The following TDRD12 variants were observed in gnomAD, a reference collection of about 807,000 sequenced individuals.
TDRD12 encodes putative ATP-dependent RNA helicase TDRD12.
TDRD12 carries 158 observed loss-of-function variants against 133.5 expected under a neutral mutation model. The observed-to-expected ratio is 1.18, with a 90% CI of 1.04 to 1.35. The LOEUF is 1.35. Ranked by LOEUF, TDRD12 falls within the 40% of genes most tolerant of loss-of-function variation. TDRD12 has a pLI of 0.00. For missense variants in TDRD12, 1,443 were observed against 1,321.3 expected (o/e 1.09, Z -1.43); for synonymous variants, 460 against 477.9 (o/e 0.96, Z 0.49).
rs80245935 is a variant in TDRD12, at chr19:32,772,715, T to C, written c.866-38T>C. 9.7e-4 allele frequency: 1,214 copies of C among 1,255,914 alleles called. 7 individuals are homozygous for C. The African/African-American group carries it at 0.015, about 16-fold the overall frequency. The allele number at this position is 1,255,914 out of a possible 1,614,324, so 77.8% of individuals were successfully genotyped here. Reference sequence around the variant, plus strand: ...ATCCTATTTTCTATTAATATCACTTTTTGGTGTAGCTTTTTTATTACCATT... The same window carrying C: ...ATCCTATTTTCTATTAATATCACTTCTTGGTGTAGCTTTTTTATTACCATT... On this transcript the variant is annotated intron_variant, in intron 8 of 27. Coordinates refer to ENST00000444215, the Ensembl canonical transcript of TDRD12.
chr19:32,729,310 C>T (rs1365907361), intron 1 of TDRD12, among the ~76,000 whole-genome samples: 7 of 149,618 alleles, frequency 4.7e-5, no homozygotes, highest in African/African-American at 1.7e-4. Context: ...CTCCACCACC[C>T]GGTTTCACAC....
At chr19:32,766,851 G>A (rs1170360764) in intron 8 of TDRD12, among the ~76,000 whole-genome samples, 1 of 151,988 alleles carries the variant, frequency 6.6e-6, no homozygotes, top group Non-Finnish European at 1.5e-5. Context: ...CTGACCTTAA[G>A]TGATCCGCTG....
chr19:32,798,850 C>T (rs1971304834), intron 16 of TDRD12, among the ~76,000 whole-genome samples: 1 of 152,170 alleles, frequency 6.6e-6, no homozygotes, highest in Non-Finnish European at 1.5e-5. Context: ...TAGTTAATAA[C>T]ATCAGGGGTG....
At chr19:32,823,831 T>C (rs141453437), downstream of TDRD12, among the ~76,000 whole-genome samples, 806 of 152,300 alleles carry the variant, frequency 5.3e-3, 8 homozygotes, top group African/African-American at 0.018. Flanking sequence ...CGGGATCCAG[T>C]AGACTGCAGA....
At chr19:32,735,343 G>T (rs1969192845) in intron 2 of TDRD12, among the ~76,000 whole-genome samples, 1 of 152,162 alleles carries the variant, frequency 6.6e-6, no homozygotes, top group African/African-American at 2.4e-5. Context: ...CAGGATAGAG[G>T]CTTAGAACCA....
At chr19:32,743,740 G>T (rs1401424741) in intron 4 of TDRD12, among the ~76,000 whole-genome samples, 1 of 152,080 alleles carries the variant, frequency 6.6e-6, no homozygotes, top group Non-Finnish European at 1.5e-5. Context: ...TTAAGAATAT[G>T]TGTTGAGGCC....
intron 4 of TDRD12, among the ~76,000 whole-genome samples, chr19:32,744,000 C>G (rs187875022): frequency 1.3e-5 from 2 of 150,186 alleles, no homozygotes; most frequent in Non-Finnish European, 3.0e-5. Flanking sequence ...TGCACTCCAG[C>G]CTGGGCAACA....
At position 32,794,771 on chromosome 19, in the gene TDRD12, GCAAA is replaced by G; in HGVS notation, c.1434_1437del (p.Thr479GlufsTer47). On this transcript the variant is annotated frameshift_variant, in exon 14 of 28. Transcript: ENST00000444215. LOFTEE classifies it high-confidence loss of function. ...ACCTCCTACCAGTGTTGACAGTTTT[GCAAA>G]CAGGAGCCTGCTACAAGTCATTACC... 1.4e-6 allele frequency: 1 copy of G among 703,436 alleles called. No individual in the cohort carries two copies. Among genetic ancestry groups the G allele is most frequent in the South Asian group, 1.5e-5 (1 of 67,596 alleles). The allele number at this position is 703,436 out of a possible 1,614,324, so 43.6% of individuals were successfully genotyped here. A position where few individuals can be genotyped will look rare whatever the true frequency, so the allele number is the denominator to read the frequency against.
intron 11 of TDRD12, among the ~76,000 whole-genome samples, chr19:32,786,835 TC>T (rs1970921601): frequency 6.6e-6 from 1 of 152,228 alleles, no homozygotes; most frequent in South Asian, 2.1e-4. Flanking sequence ...TGACCTTTTT[TC>T]AAGGTTTTTA....
chr19:32,808,104 C>A (rs1402812630), intron 22 of TDRD12, among the ~76,000 whole-genome samples: 1 of 152,124 alleles, frequency 6.6e-6, no homozygotes, highest in Middle Eastern at 3.2e-3. Context: ...TTACATGAAT[C>A]TTTTCAAGAC....
At chr19:32,755,931 T>C in intron 6 of TDRD12, 61 bp from the exon 7 acceptor site, 1 of 1,234,250 alleles carries the variant, frequency 8.1e-7, no homozygotes. Flanking sequence ...TTGGAATATT[T>C]CCTTTAAAAT....
Position 32,768,048 on chromosome 19 carries a change from C to T in TDRD12, c.866-4705C>T, listed in dbSNP as rs553426793. ...ACAAATAAAGTTTTACTGAACATAG[C>T]TGGACTCATTTTCTTACATATTGTA... is the stretch of plus-strand genomic sequence containing the variant. On this transcript the variant is annotated intron_variant, in intron 8 of 27. Coordinates refer to ENST00000444215, the Ensembl canonical transcript of TDRD12. 9.2e-5 allele frequency among the ~76,000 whole-genome samples: 14 copies of T among 152,290 alleles called. No individual in the cohort carries two copies. In the South Asian group the frequency reaches 1.9e-3, roughly 20 times the overall value.
At chr19:32,815,556 C>G in exon 26 of TDRD12, 1 of 1,536,176 alleles carries the variant, frequency 6.5e-7, no homozygotes, top group Non-Finnish European at 8.7e-7. Context: ...ACACATAGAA[C>G]AACTGAAAAA....
chr19:32,738,357 C>CTGTT (rs1969289493), intron 2 of TDRD12, among the ~76,000 whole-genome samples: 1 of 152,170 alleles, frequency 6.6e-6, no homozygotes, highest in Non-Finnish European at 1.5e-5. Flanking sequence ...CTCAGACGGC[C>CTGTT]TGTGTTCCTG....
chr19:32,823,769 G>C (rs1429057793), downstream of TDRD12, among the ~76,000 whole-genome samples: 4 of 152,234 alleles, frequency 2.6e-5, no homozygotes, highest in Non-Finnish European at 4.4e-5. Flanking sequence ...TGGGACAACA[G>C]TTGTCATTAA....
chr19:32,719,804 G>A (rs1968561149), exon 1 of TDRD12: 8 of 560,352 alleles, frequency 1.4e-5, no homozygotes, highest in Non-Finnish European at 2.6e-5. Flanking sequence ...GGTGCGGGAG[G>A]CCCGAGGCCA....
At chr19:32,734,426 A>G (rs1464175212) in intron 2 of TDRD12, among the ~76,000 whole-genome samples, 1 of 148,846 alleles carries the variant, frequency 6.7e-6, no homozygotes. Context: ...GCTGGAGTGC[A>G]GTGACTCTAT....
chr19:32,767,011 C>T (rs1970317058), intron 8 of TDRD12, among the ~76,000 whole-genome samples: 2 of 152,118 alleles, frequency 1.3e-5, no homozygotes, highest in African/African-American at 4.8e-5. Context: ...GTATTACGCA[C>T]TTCATGGATA....
At chr19:32,759,592 C>G (rs1217964659) in intron 8 of TDRD12, among the ~76,000 whole-genome samples, 1 of 152,002 alleles carries the variant, frequency 6.6e-6, no homozygotes, top group African/African-American at 2.4e-5. Context: ...GCACTCCAGC[C>G]TGGGCGAGTG....
Sources: allele counts gnomAD v4.1 joint callset (sites outside exome capture counted in the v4.1 genomes callset), GRCh38; gene constraint gnomAD v4.1.1; transcripts MANE v1.5; gene names NCBI Gene and HGNC (gene_info 2026-07-23, HGNC 2026-07-21).